The following RPH3AL variants were observed in gnomAD, a reference collection of about 807,000 sequenced individuals.
RPH3AL encodes the protein rab effector Noc2.
RPH3AL carries 38 observed loss-of-function variants against 43.1 expected under a neutral mutation model. The ratio of observed to expected loss-of-function variants is 0.88; its 90% CI spans 0.68 to 1.15. The LOEUF is 1.15. Among genes scored for constraint, RPH3AL ranks in the 50% most tolerant of loss-of-function variants. RPH3AL has a pLI of 0.00. For missense variants in RPH3AL, 462 were observed against 423.2 expected (o/e 1.09, Z -0.81); for synonymous variants, 189 against 176.3 (o/e 1.07, Z -0.57).
rs140706573 is a variant in RPH3AL, at chr17:245,899, C to T, written c.613+1212G>A. On this transcript the variant is annotated intron_variant, in intron 7 of 9. Coordinates refer to ENST00000331302, the MANE Select transcript of RPH3AL (RefSeq NM_006987.4). This position sits in a 1 kb window ranked among gnomAD's most constrained non-coding sequence, Gnocchi z 5.9. Reference sequence around the variant, plus strand: ...CAATGTCTGTCCGTGGCAGCGATGTCGGGGGTGAACTCATAGGCAGCAGAG... The same window carrying T: ...CAATGTCTGTCCGTGGCAGCGATGTTGGGGGTGAACTCATAGGCAGCAGAG... Among the ~76,000 whole-genome samples, 12 of 152,220 alleles carry T rather than the reference C, an allele frequency of 7.9e-5. No individual in the cohort carries two copies. The highest frequency in any genetic ancestry group is 1.3e-4 in the Non-Finnish European group (9 of 68,004).
In RPH3AL at chr17:327,519, C is replaced by T. The variant is rs143383614; in HGVS notation, c.25G>A (p.Gly9Arg). 117 of 1,613,918 alleles carry T rather than the reference C, an allele frequency of 7.2e-5. 1 individual carries two copies. In the South Asian group the frequency reaches 8.9e-4, roughly 12 times the overall value. Residue 9 changes from glycine to arginine, a missense_variant, in exon 3 of 10, where the codon GGG becomes AGG. Transcript: ENST00000331302. MADTIFGS[G>R]NDQWVCPNDR... ...TTGGGGCAAACCCACTGATCATTCC[C>T]GCTGCCGAAGATGGTGTCGGCCATG... is the stretch of plus-strand genomic sequence containing the variant.
At chr17:222,602 A>T (rs1261910385) in intron 7 of RPH3AL, among the ~76,000 whole-genome samples, 1 of 152,208 alleles carries the variant, frequency 6.6e-6, no homozygotes, top group Middle Eastern at 3.2e-3. Flanking sequence ...TACCCTTTAA[A>T]CATTCTATTT....
chr17:337,492 C>T (rs73971747), intron 1 of RPH3AL, among the ~76,000 whole-genome samples: 11,983 of 152,268 alleles, frequency 0.079, 590 homozygotes, highest in Admixed American at 0.15. Context: ...CTGCCACACA[C>T]GGGCTCTCTA....
intron 5 of RPH3AL, among the ~76,000 whole-genome samples, chr17:291,136 C>T (rs1687497857): frequency 6.6e-6 from 1 of 152,218 alleles, no homozygotes; most frequent in Admixed American, 6.5e-5. Context: ...AATTCACAAA[C>T]ATGTTTTCTA....
chr17:274,412 G>A lies in RPH3AL; in HGVS notation c.438+7356C>T, dbSNP rs769654028. On this transcript the variant is annotated intron_variant, in intron 6 of 9. Transcript: ENST00000331302. The surrounding 1 kb of genome is among the most constrained non-coding windows in gnomAD (Gnocchi z 4.7). ...GCAGCCTTCCTGGCACTTCAGGGCT[G>A]CCAGTTCCTGGGGCCACAGGGGCTG... is the stretch of plus-strand genomic sequence containing the variant. 6.6e-6 allele frequency among the ~76,000 whole-genome samples: 1 copy of A among 152,252 alleles called. No individual in the cohort carries two copies. Among genetic ancestry groups the A allele is most frequent in the Non-Finnish European group, 1.5e-5 (1 of 68,038 alleles).
intron 5 of RPH3AL, among the ~76,000 whole-genome samples, chr17:300,847 G>T (rs964072247): frequency 7.7e-6 from 1 of 129,170 alleles, no homozygotes; most frequent in East Asian, 2.1e-4. Context: ...CCCAGCCTAG[G>T]CCTGCAGAAT....
intron 5 of RPH3AL, among the ~76,000 whole-genome samples, chr17:312,742 T>A (rs4074627): frequency 6.6e-6 from 1 of 152,174 alleles, no homozygotes; most frequent in Non-Finnish European, 1.5e-5. Context: ...AATGACCCCA[T>A]TTTACAGATG....
chr17:318,420 C>T (rs145724724), intron 5 of RPH3AL, among the ~76,000 whole-genome samples: 2 of 152,080 alleles, frequency 1.3e-5, no homozygotes, highest in Non-Finnish European at 2.9e-5. Flanking sequence ...ATGGAAGTTA[C>T]TTGAGGATGG....
chr17:334,316 G>C (rs190115020), intron 1 of RPH3AL, among the ~76,000 whole-genome samples: 1 of 152,232 alleles, frequency 6.6e-6, no homozygotes, highest in Non-Finnish European at 1.5e-5. Flanking sequence ...TCTCTAACAC[G>C]TATCAGACTT....
intron 6 of RPH3AL, among the ~76,000 whole-genome samples, chr17:258,565 G>T (rs1039553504): frequency 6.6e-6 from 1 of 152,090 alleles, no homozygotes; most frequent in African/African-American, 2.4e-5. Context: ...CAGCTGCCCT[G>T]CCTCCCCTGG....
intron 6 of RPH3AL, among the ~76,000 whole-genome samples, chr17:280,914 C>T (rs1192510501): frequency 6.6e-6 from 1 of 152,106 alleles, no homozygotes; most frequent in Non-Finnish European, 1.5e-5. Context: ...TTTTGTGGAT[C>T]CTCGGATGTG....
At chr17:228,110 G>A (rs2151510901) in intron 7 of RPH3AL, among the ~76,000 whole-genome samples, 1 of 152,312 alleles carries the variant, frequency 6.6e-6, no homozygotes, top group East Asian at 1.9e-4. Context: ...GGCAGCTGGA[G>A]GGGAGCCTGG....
chr17:244,728 C>T (rs1808498789), intron 7 of RPH3AL, among the ~76,000 whole-genome samples: 1 of 152,154 alleles, frequency 6.6e-6, no homozygotes, highest in African/African-American at 2.4e-5. Context: ...GCCCTCCTCG[C>T]CCATGAAATT....
chr17:330,338 C>T (rs961930783), intron 2 of RPH3AL, among the ~76,000 whole-genome samples: 3 of 152,190 alleles, frequency 2.0e-5, no homozygotes, highest in Non-Finnish European at 2.9e-5. Context: ...ATCCCATGGC[C>T]GGGCCCAGAT....
intron 1 of RPH3AL, among the ~76,000 whole-genome samples, chr17:336,271 C>T (rs1007600292): frequency 6.6e-6 from 1 of 152,184 alleles, no homozygotes; most frequent in African/African-American, 2.4e-5. Context: ...ACATTTCCTC[C>T]ACCTGTCAGG....
chr17:219,449 G>A (rs62057058), intron 8 of RPH3AL, among the ~76,000 whole-genome samples, 174 bp downstream of exon 8: 34,729 of 149,608 alleles, frequency 0.23, 4,793 homozygotes, highest in Non-Finnish European at 0.3. Context: ...TGCCCACCCC[G>A]GCCTCCTAAA....
chr17:307,040 G>T (rs1209934665), intron 5 of RPH3AL, among the ~76,000 whole-genome samples: 2 of 151,970 alleles, frequency 1.3e-5, no homozygotes, highest in South Asian at 2.1e-4. Flanking sequence ...CAGCCCGGGG[G>T]CCTCCCCCAC....
chr17:213,424 A>C lies in RPH3AL; in HGVS notation c.*428T>G. On this transcript the variant is annotated 3_prime_UTR_variant, in exon 10 of 10. Transcript: ENST00000331302. ...GCTCTGGCTCTGATGCTCACCTCTA[A>C]GGGGCCACACGCAGCTTCGGAGGCC... The C allele has an allele frequency of 3.8e-6, 1 of 262,392 alleles. No homozygotes were observed. The highest frequency in any genetic ancestry group is 1.2e-4 in the East Asian group (1 of 8,228). 16.3% of individuals were successfully genotyped at this position (262,392 alleles called of 1,614,324 possible).
At chr17:262,848 A>C (rs1320490598) in intron 6 of RPH3AL, among the ~76,000 whole-genome samples, 1 of 152,152 alleles carries the variant, frequency 6.6e-6, no homozygotes, top group Non-Finnish European at 1.5e-5. Context: ...CTGCAGGGTT[A>C]TTCAGTCCGA....
Sources: allele counts gnomAD v4.1 joint callset (sites outside exome capture counted in the v4.1 genomes callset), GRCh38; gene constraint gnomAD v4.1.1; non-coding constraint Gnocchi (gnomAD v3.1); transcripts MANE v1.5; gene names NCBI Gene and HGNC (gene_info 2026-07-23, HGNC 2026-07-21).